The following ACBD5 variants were observed in gnomAD, a reference collection of about 807,000 sequenced individuals.
The protein encoded by ACBD5 is acyl-CoA binding domain containing 5, also known as acyl-CoA-binding domain-containing protein 5.
Under a neutral mutation model 71.8 loss-of-function variants are expected in ACBD5, and 40 were observed. The observed-to-expected ratio is 0.56, with a 90% CI of 0.43 to 0.72. The LOEUF (loss-of-function observed/expected upper bound fraction) is 0.72, where lower values mean the gene tolerates loss of function less well. Ranked by LOEUF, ACBD5 falls within the 30% of genes least tolerant of loss-of-function variation. The pLI, the probability that ACBD5 is intolerant of heterozygous loss-of-function variation, is 0.00. For synonymous variants in ACBD5, 229 were observed against 218.6 expected (o/e 1.05, Z -0.42); for missense variants, 559 against 644.5 (o/e 0.87, Z 1.44).
Position 27,217,987 on chromosome 10 carries a change from A to G in ACBD5, c.822T>C (p.Ile274=). The G allele has an allele frequency of 6.2e-7, 1 of 1,614,100 alleles. No individual in the cohort carries two copies. Among genetic ancestry groups the G allele is most frequent in the Non-Finnish European group, 8.5e-7 (1 of 1,179,966 alleles). The change falls in exon 7 of 13, where the codon ATT becomes ATC. Residue 274 remains isoleucine, a synonymous_variant. Transcript: ENST00000396271. ...ATTATTTGGGGACAATACCTTGGTG[A>G]ATGCAAACAGCAGATTTTCCAGTTT... ...LGQTGKSAVC[I]HQDINDDHVE...
intron 13 of ACBD5, among the ~76,000 whole-genome samples, chr10:27,189,706 G>A (rs1443379952): frequency 6.6e-6 from 1 of 151,288 alleles, no homozygotes; most frequent in African/African-American, 2.4e-5. Flanking sequence ...CATGGCACAT[G>A]TATACATATG....
intron 7 of ACBD5, among the ~76,000 whole-genome samples, chr10:27,217,304 A>C (rs1342795169): frequency 6.6e-6 from 1 of 150,930 alleles, no homozygotes; most frequent in Non-Finnish European, 1.5e-5. Flanking sequence ...AAAAATACAA[A>C]AATTAGCTGG....
intron 5 of ACBD5, among the ~76,000 whole-genome samples, chr10:27,220,822 T>C (rs1022332839): frequency 6.6e-6 from 1 of 152,160 alleles, no homozygotes; most frequent in African/African-American, 2.4e-5. Context: ...AAAATGGCAA[T>C]GTAAAACTGA....
chr10:27,185,345 C>T (rs1221083381), intron 13 of ACBD5, among the ~76,000 whole-genome samples: 1 of 151,938 alleles, frequency 6.6e-6, no homozygotes, highest in African/African-American at 2.4e-5. Context: ...TAACAAGATG[C>T]AGGCAGGGTG....
chr10:27,200,173 T>C (rs2059771257), intron 12 of ACBD5, among the ~76,000 whole-genome samples: 1 of 152,068 alleles, frequency 6.6e-6, no homozygotes, highest in East Asian at 1.9e-4. Context: ...CGGCACAAGA[T>C]ACAGGTCATA....
intron 5 of ACBD5, among the ~76,000 whole-genome samples, chr10:27,221,026 T>C (rs574276043): frequency 6.6e-6 from 1 of 152,354 alleles, no homozygotes; most frequent in South Asian, 2.1e-4. Flanking sequence ...ATGTACGTGG[T>C]TATTCTCAGC....
At chr10:27,232,151 C>T in intron 3 of ACBD5, 1 of 257,700 alleles carries the variant, frequency 3.9e-6, no homozygotes, top group Non-Finnish European at 7.5e-6. Flanking sequence ...TAGAAGACTA[C>T]ATTATTGCTT....
chr10:27,229,257 G>A (rs2063545960), intron 4 of ACBD5, among the ~76,000 whole-genome samples: 1 of 152,022 alleles, frequency 6.6e-6, no homozygotes, highest in Non-Finnish European at 1.5e-5. Context: ...ACCTCTGACT[G>A]CAAAGACACA....
intron 4 of ACBD5, among the ~76,000 whole-genome samples, chr10:27,230,878 T>C (rs1401108533): frequency 6.6e-6 from 1 of 151,750 alleles, no homozygotes; most frequent in Non-Finnish European, 1.5e-5. Context: ...AGAATGCCTT[T>C]GACACACTTA....
At chr10:27,204,347 A>C in intron 12 of ACBD5, 93 bp downstream of exon 12, 2 of 855,554 alleles carry the variant, frequency 2.3e-6, no homozygotes, top group Non-Finnish European at 3.9e-6. Context: ...TATCTATAAA[A>C]TGGACCTAGC....
chr10:27,241,268 G>T (rs1164697667), upstream of ACBD5, among the ~76,000 whole-genome samples: 1 of 152,208 alleles, frequency 6.6e-6, no homozygotes, highest in Admixed American at 6.5e-5. Flanking sequence ...CTCCAGTTCT[G>T]CCATTTAAAT....
intron 10 of ACBD5, among the ~76,000 whole-genome samples, chr10:27,206,877 A>G (rs570284991): frequency 2.4e-4 from 37 of 152,268 alleles, no homozygotes; most frequent in African/African-American, 8.7e-4. Context: ...GAAGACAACA[A>G]GTCCTCTCCC....
chr10:27,193,697 C>T (rs529258473), downstream of ACBD5, among the ~76,000 whole-genome samples: 4 of 152,270 alleles, frequency 2.6e-5, no homozygotes, highest in East Asian at 7.7e-4. Flanking sequence ...ACTTCACTAT[C>T]TTGCAAGCAT....
chr10:27,233,962 T>A (rs895867016), intron 3 of ACBD5, among the ~76,000 whole-genome samples: 1 of 152,156 alleles, frequency 6.6e-6, no homozygotes, highest in Non-Finnish European at 1.5e-5. Flanking sequence ...GAGAATCGCT[T>A]GAACCTGGGA....
intron 8 of ACBD5, among the ~76,000 whole-genome samples, chr10:27,214,325 C>T (rs1328396068): frequency 6.6e-6 from 1 of 151,960 alleles, no homozygotes; most frequent in Non-Finnish European, 1.5e-5. Flanking sequence ...CATCATATGC[C>T]TGCACCAAAA....
intron 5 of ACBD5, among the ~76,000 whole-genome samples, chr10:27,220,181 T>C (rs2062161141): frequency 6.6e-6 from 1 of 152,192 alleles, no homozygotes; most frequent in African/African-American, 2.4e-5. Context: ...ACTTCCTATA[T>C]GCTAGGATGC....
chr10:27,222,523 T>C (rs2995499), intron 5 of ACBD5, among the ~76,000 whole-genome samples: 145,370 of 152,246 alleles, frequency 0.95, 69,462 homozygotes, highest in East Asian at 1. Flanking sequence ...TTATATGCTA[T>C]AGTTAAACCA....
At chr10:27,213,997 A>C (rs112247301) in intron 8 of ACBD5, among the ~76,000 whole-genome samples, 6,005 of 152,278 alleles carry the variant, frequency 0.039, 143 homozygotes, top group African/African-American at 0.067. Context: ...ATAAAAAAGA[A>C]TGAGATCCTG....
intron 5 of ACBD5, among the ~76,000 whole-genome samples, chr10:27,221,731 T>G (rs1361523205): frequency 6.6e-6 from 1 of 151,784 alleles, no homozygotes; most frequent in African/African-American, 2.4e-5. Flanking sequence ...CTGGCCCACA[T>G]GGCAAAACCC....
Sources: allele counts gnomAD v4.1 joint callset (sites outside exome capture counted in the v4.1 genomes callset), GRCh38; gene constraint gnomAD v4.1.1; transcripts MANE v1.5; gene names NCBI Gene and HGNC (gene_info 2026-07-23, HGNC 2026-07-21).